ACTN4: variants seen among roughly 807,000 people sequenced by gnomAD.
The protein encoded by ACTN4 is actinin alpha 4, also known as alpha-actinin-4.
ACTN4 carries 18 observed loss-of-function variants against 114.2 expected under a neutral mutation model. That is an observed-to-expected ratio of 0.16 (90% CI 0.11 to 0.23). The LOEUF is 0.23. Ranked by LOEUF, ACTN4 falls within the 10% of genes least tolerant of loss-of-function variation. The pLI, the probability that ACTN4 is intolerant of heterozygous loss-of-function variation, is 1.00. For missense variants in ACTN4, 722 were observed against 1,262.9 expected (o/e 0.57, Z 6.49); for synonymous variants, 515 against 506.3 (o/e 1.02, Z -0.23).
rs1358129736 is a variant in ACTN4 at position 38,729,492 on chromosome 19, A to G, written c.*60A>G. 3.7e-6 allele frequency: 5 copies of G among 1,363,326 alleles called. No homozygotes were observed. Among genetic ancestry groups the G allele is most frequent in the Non-Finnish European group, 3.9e-6 (4 of 1,029,056 alleles). The allele number at this position is 1,363,326 out of a possible 1,614,324, so 84.5% of individuals were successfully genotyped here. ...CTCCAGGAGGGGCCTGGGCAGCCCC[A>G]CAGTCCCATTCCTCCACTCTGTATC... On this transcript the variant is annotated 3_prime_UTR_variant, in exon 21 of 21. Transcript: ENST00000252699.
In ACTN4 at chr19:38,649,564, CG is replaced by C. The variant is rs1976497134; in HGVS notation, c.162+1659del. Among the ~76,000 whole-genome samples, 4 of 152,220 alleles carry C rather than the reference CG, an allele frequency of 2.6e-5. No individual in the cohort carries two copies. The South Asian group carries it at 8.3e-4, about 32-fold the overall frequency. Reference sequence around the variant, plus strand: ...TGCAAAGGGATCCGAGGGTTCCCTGCGGTGATTCTGTTAATAAAGAGGGATG... The same window carrying C: ...TGCAAAGGGATCCGAGGGTTCCCTGCGTGATTCTGTTAATAAAGAGGGATG... On this transcript the variant is annotated intron_variant, in intron 1 of 20. Transcript: ENST00000252699.
chr19:38,728,103 G>A (rs1969307282), intron 19 of ACTN4, 77 bp downstream of exon 19: 4 of 1,499,142 alleles, frequency 2.7e-6, no homozygotes, highest in African/African-American at 1.4e-5. Context: ...TTCTCCCCTC[G>A]CCATCCCACC....
chr19:38,681,484 G>GC (rs918737970), intron 1 of ACTN4, among the ~76,000 whole-genome samples: 4 of 152,160 alleles, frequency 2.6e-5, no homozygotes, highest in Non-Finnish European at 5.9e-5. Context: ...CACCATCCCT[G>GC]CCACTTCTCC....
Position 38,700,970 on chromosome 19 carries a change from C to T in ACTN4, c.278-32C>T, listed in dbSNP as rs1968253580. 5 of 1,610,922 alleles carry T rather than the reference C, an allele frequency of 3.1e-6. No homozygotes were observed. The South Asian group carries it at 3.3e-5, about 11-fold the overall frequency. The stretch of plus-strand genomic sequence containing the variant: ...TCTCTCCCTTTCTCTCTCTCTGTCT[C>T]GCCCCCTCTTTTCTCTTTGTGCACT... On this transcript the variant is annotated intron_variant, in intron 2 of 20. Coordinates refer to ENST00000252699, the MANE Select transcript of ACTN4 (RefSeq NM_004924.6).
At chr19:38,656,266 C>G (rs945805891) in intron 1 of ACTN4, among the ~76,000 whole-genome samples, 8 of 152,172 alleles carry the variant, frequency 5.3e-5, no homozygotes, top group Admixed American at 3.9e-4. Flanking sequence ...GTGCACACCA[C>G]CACGCCTGAC....
At chr19:38,694,619 A>G (rs1968032821) in intron 1 of ACTN4, among the ~76,000 whole-genome samples, 1 of 151,924 alleles carries the variant, frequency 6.6e-6, no homozygotes, top group South Asian at 2.1e-4. Flanking sequence ...AGCACCTCCC[A>G]TTCTACTCAG....
intron 1 of ACTN4, among the ~76,000 whole-genome samples, chr19:38,686,733 T>A (rs1048260053): frequency 3.9e-5 from 6 of 152,218 alleles, no homozygotes; most frequent in Non-Finnish European, 5.9e-5. Flanking sequence ...GTGCAGGCTC[T>A]TCCCCTTGGG....
chr19:38,699,225 G>A (rs1484027311), intron 1 of ACTN4, among the ~76,000 whole-genome samples: 3 of 152,214 alleles, frequency 2.0e-5, no homozygotes, highest in East Asian at 3.8e-4. Flanking sequence ...CTTGCAGGGG[G>A]CTGAGTAGCC....
intron 5 of ACTN4, among the ~76,000 whole-genome samples, chr19:38,707,913 C>T (rs190759283): frequency 1.0e-3 from 155 of 152,342 alleles, no homozygotes; most frequent in African/African-American, 3.6e-3. Context: ...TGTCAGTAGG[C>T]AGAAGAGTCA....
intron 1 of ACTN4, among the ~76,000 whole-genome samples, chr19:38,650,084 G>A (rs1976515241): frequency 6.6e-6 from 1 of 152,202 alleles, no homozygotes; most frequent in Non-Finnish European, 1.5e-5. Flanking sequence ...GACCTGGAAA[G>A]TTGGGAGGGA....
intron 3 of ACTN4, among the ~76,000 whole-genome samples, chr19:38,703,468 C>T (rs1450903797): frequency 6.6e-6 from 1 of 151,562 alleles, no homozygotes; most frequent in Non-Finnish European, 1.5e-5. Flanking sequence ...GAACTCCTGA[C>T]CTCAGGCGAT....
At chr19:38,714,239 G>A (rs1017613414) in intron 8 of ACTN4, among the ~76,000 whole-genome samples, 1 of 152,198 alleles carries the variant, frequency 6.6e-6, no homozygotes, top group South Asian at 2.1e-4. Context: ...AACCCTCCTC[G>A]GTGCCTCCAG....
chr19:38,698,614 T>C (rs1968168848), intron 1 of ACTN4, among the ~76,000 whole-genome samples: 1 of 152,218 alleles, frequency 6.6e-6, no homozygotes, highest in African/African-American at 2.4e-5. Context: ...GCACGGCATT[T>C]GGCCTGACTT....
At chr19:38,681,265 C>T (rs915576034) in intron 1 of ACTN4, among the ~76,000 whole-genome samples, 7 of 151,994 alleles carry the variant, frequency 4.6e-5, no homozygotes, top group Admixed American at 2.0e-4. Flanking sequence ...AATGCTCCAA[C>T]GTTGGCTCTT....
chr19:38,676,669 C>T (rs898164593), intron 1 of ACTN4, among the ~76,000 whole-genome samples: 3 of 152,152 alleles, frequency 2.0e-5, no homozygotes, highest in Non-Finnish European at 4.4e-5. Context: ...CAGACAGGCC[C>T]GGAAAGGCCT....
chr19:38,725,870 C>T lies in ACTN4; in HGVS notation c.2157C>T (p.Ile719=), dbSNP rs765865158. ...QQHQLIQEAL[I]FDNKHTNYTM... ...ACCAGCTCATCCAGGAGGCCCTCAT[C>T]TTCGACAACAAGCACACCAACTATA... Residue 719 remains isoleucine (I), a synonymous_variant, in exon 17 of 21, where the codon ATC becomes ATT. Transcript: ENST00000252699. 8.7e-6 allele frequency: 14 copies of T among 1,614,048 alleles called. No individual in the cohort carries two copies. In the Admixed American group the frequency reaches 2.0e-4, roughly 23 times the overall value.
chr19:38,723,911 C>G (rs759082433), intron 13 of ACTN4, 26 bp from the exon 14 acceptor site: 4 of 1,612,518 alleles, frequency 2.5e-6, no homozygotes, highest in Non-Finnish European at 3.4e-6. Flanking sequence ...CCCTCTGTCC[C>G]TGCCCCCTTC....
rs1180417472 is a variant in ACTN4, at chr19:38,728,860, C to T, written c.2419-136C>T. On this transcript the variant is annotated intron_variant, in intron 19 of 20. Transcript: ENST00000252699. ...CCGGGGCCAAGGCTGCTGGAGCAGGCGGGGAACAGGGCGCACGCACACGTG... is the reference window on the plus strand; with the variant it reads ...CCGGGGCCAAGGCTGCTGGAGCAGGTGGGGAACAGGGCGCACGCACACGTG... The T allele has an allele frequency of 7.1e-6, 8 of 1,122,048 alleles. No individual in the cohort carries two copies. The Admixed American group carries it at 7.7e-5, about 11-fold the overall frequency. The allele number at this position is 1,122,048 out of a possible 1,614,324, so 69.5% of individuals were successfully genotyped here.
intron 17 of ACTN4, 151 bp downstream of exon 17, chr19:38,726,054 C>A: frequency 1.9e-6 from 2 of 1,078,806 alleles, no homozygotes; most frequent in Non-Finnish European, 2.7e-6. Context: ...TTTGGGAGGC[C>A]AAGTGGGAGG....
Sources: allele counts gnomAD v4.1 joint callset (sites outside exome capture counted in the v4.1 genomes callset), GRCh38; gene constraint gnomAD v4.1.1; transcripts MANE v1.5; gene names NCBI Gene and HGNC (gene_info 2026-07-23, HGNC 2026-07-21).